Variants in NCKAP5 observed in about 807,000 individuals in gnomAD.
The protein encoded by NCKAP5 is nck-associated protein 5.
NCKAP5 carries 92 observed loss-of-function variants against 167.0 expected under a neutral mutation model. That is an observed-to-expected ratio of 0.55 (90% confidence interval 0.47 to 0.66). NCKAP5 has a LOEUF of 0.66. Ranked by LOEUF, NCKAP5 falls within the 30% of genes least tolerant of loss-of-function variation. The pLI, the probability that NCKAP5 is intolerant of heterozygous loss-of-function variation, is 0.00. For missense variants in NCKAP5, 2,378 were observed against 2,315.0 expected (o/e 1.03, Z -0.56); for synonymous variants, 891 against 877.4 (o/e 1.02, Z -0.27).
intron 8 of NCKAP5, among the ~76,000 whole-genome samples, chr2:132,941,851 T>C (rs754724382): frequency 2.0e-5 from 3 of 152,160 alleles, no homozygotes; most frequent in Admixed American, 6.6e-5. Context: ...AAAGAAACCA[T>C]TGTAGTTCTA....
At chr2:133,397,461 T>A (rs1287322613) in intron 3 of NCKAP5, among the ~76,000 whole-genome samples, 1 of 152,254 alleles carries the variant, frequency 6.6e-6, no homozygotes, top group Non-Finnish European at 1.5e-5. Flanking sequence ...TCATTGATAA[T>A]TAGGGAACTT....
chr2:132,809,474 A>T (rs1373365322), intron 11 of NCKAP5, among the ~76,000 whole-genome samples: 1 of 151,780 alleles, frequency 6.6e-6, no homozygotes, highest in Admixed American at 6.6e-5. Flanking sequence ...TATTTTTAGG[A>T]TTGTGATATT....
chr2:133,507,189 C>T (rs1024149983), intron 3 of NCKAP5, among the ~76,000 whole-genome samples: 5 of 152,224 alleles, frequency 3.3e-5, no homozygotes, highest in African/African-American at 1.2e-4. Flanking sequence ...CTGCCAGCCT[C>T]ATGGCCACTC....
intron 3 of NCKAP5, among the ~76,000 whole-genome samples, chr2:133,376,968 A>G (rs1371741390): frequency 6.6e-6 from 1 of 152,220 alleles, no homozygotes; most frequent in African/African-American, 2.4e-5. Context: ...AATTGTAAGT[A>G]GTGTATTCAT....
At chr2:132,759,275 T>C (rs1166240109) in intron 16 of NCKAP5, among the ~76,000 whole-genome samples, 1 of 152,226 alleles carries the variant, frequency 6.6e-6, no homozygotes, top group Non-Finnish European at 1.5e-5. Flanking sequence ...GGTTATTTTC[T>C]AATTTTTGCT....
chr2:133,324,509 G>A (rs1402513282), intron 3 of NCKAP5, among the ~76,000 whole-genome samples: 1 of 152,160 alleles, frequency 6.6e-6, no homozygotes, highest in Non-Finnish European at 1.5e-5. Flanking sequence ...CAGTTGTGAG[G>A]CCGGGAGATG....
intron 8 of NCKAP5, among the ~76,000 whole-genome samples, chr2:132,925,103 G>A (rs1029416739): frequency 6.6e-6 from 1 of 152,068 alleles, no homozygotes; most frequent in Non-Finnish European, 1.5e-5. Flanking sequence ...GACCAGTTTC[G>A]TGGAAGATAA....
chr2:133,347,554 A>G lies in NCKAP5; in HGVS notation c.70-44444T>C, dbSNP rs113880562. Among the ~76,000 whole-genome samples, 509 of 151,356 alleles carry G rather than the reference A, an allele frequency of 3.4e-3. 7 individuals are homozygous for G. Among genetic ancestry groups the G allele is most frequent in the African/African-American group, 0.012 (492 of 41,328 alleles). On this transcript the variant is annotated intron_variant, in intron 3 of 19. Coordinates refer to ENST00000409261, the MANE Select transcript of NCKAP5 (RefSeq NM_207363.3). ...GGCAACAGGAGTGAAACTCCATCTC[A>G]AAAAAATAAAATAAATTAAAATAAT...
chr2:132,964,764 G>C (rs2076611901), intron 7 of NCKAP5, among the ~76,000 whole-genome samples: 1 of 151,888 alleles, frequency 6.6e-6, no homozygotes, highest in Admixed American at 6.6e-5. Flanking sequence ...GATTATCAGT[G>C]GTAAAAGACT....
At chr2:132,791,400 G>A (rs1266698583) in intron 12 of NCKAP5, among the ~76,000 whole-genome samples, 1 of 152,138 alleles carries the variant, frequency 6.6e-6, no homozygotes, top group Non-Finnish European at 1.5e-5. Flanking sequence ...GAATTCTAGT[G>A]GTTCTTCATA....
At chr2:132,966,802 C>T (rs1162174587) in intron 7 of NCKAP5, among the ~76,000 whole-genome samples, 1 of 152,196 alleles carries the variant, frequency 6.6e-6, no homozygotes, top group Non-Finnish European at 1.5e-5. Flanking sequence ...GGGCGCATCA[C>T]AGCCTGCATG....
intron 5 of NCKAP5, among the ~76,000 whole-genome samples, chr2:133,206,505 C>T (rs1384235555): frequency 6.6e-6 from 1 of 152,148 alleles, no homozygotes; most frequent in African/African-American, 2.4e-5. Flanking sequence ...TTACTTTAAT[C>T]TCTTAATCCT....
chr2:133,391,936 A>T (rs781768400), intron 3 of NCKAP5, among the ~76,000 whole-genome samples: 1 of 152,208 alleles, frequency 6.6e-6, no homozygotes, highest in Non-Finnish European at 1.5e-5. Context: ...TTGCTATCAC[A>T]GCAACACAGC....
intron 2 of NCKAP5, among the ~76,000 whole-genome samples, chr2:133,549,680 A>G (rs1687101148): frequency 7.3e-6 from 1 of 137,268 alleles, no homozygotes; most frequent in Non-Finnish European, 1.6e-5. Context: ...ATCACAATTA[A>G]AAGAACTAGA....
intron 8 of NCKAP5, among the ~76,000 whole-genome samples, chr2:132,909,087 C>G (rs1240401648): frequency 6.6e-6 from 1 of 152,210 alleles, no homozygotes; most frequent in Non-Finnish European, 1.5e-5. Flanking sequence ...TGGCTCATGC[C>G]TGTAATCCCA....
At chr2:132,919,030 T>C (rs1178116457) in intron 8 of NCKAP5, among the ~76,000 whole-genome samples, 1 of 152,254 alleles carries the variant, frequency 6.6e-6, no homozygotes, top group Non-Finnish European at 1.5e-5. Context: ...ATGAATTTAT[T>C]GTTTCATTTC....
chr2:133,527,522 T>C (rs897142970), intron 2 of NCKAP5, among the ~76,000 whole-genome samples: 3 of 116,630 alleles, frequency 2.6e-5, no homozygotes, highest in African/African-American at 9.1e-5. Flanking sequence ...CGATGTGAAA[T>C]GCTAAAAGCC....
At chr2:133,024,652 A>T (rs2078635494) in intron 6 of NCKAP5, among the ~76,000 whole-genome samples, 1 of 152,356 alleles carries the variant, frequency 6.6e-6, no homozygotes, top group Admixed American at 6.5e-5. Flanking sequence ...AATTAACATG[A>T]TTTACTATAT....
chr2:133,321,897 T>A (rs1682083773), intron 3 of NCKAP5, among the ~76,000 whole-genome samples: 1 of 152,198 alleles, frequency 6.6e-6, no homozygotes, highest in Admixed American at 6.5e-5. Flanking sequence ...ACAATATCAA[T>A]TGAATTCACT....
Sources: gnomAD v4.1 joint callset for allele counts (sites outside exome capture counted in the v4.1 genomes callset) on GRCh38, gnomAD v4.1.1 for gene constraint, MANE v1.5 for transcripts, NCBI Gene and HGNC (gene_info 2026-07-23, HGNC 2026-07-21) for gene names.